AUTS2: variants seen among roughly 807,000 people sequenced by gnomAD.
The protein encoded by AUTS2 is autism susceptibility gene 2 protein.
Under a neutral mutation model 112.4 loss-of-function variants are expected in AUTS2, and 17 were observed. That is an observed-to-expected ratio of 0.15 (90% CI 0.10 to 0.23). The LOEUF (loss-of-function observed/expected upper bound fraction) is 0.23, where lower values mean the gene tolerates loss of function less well. AUTS2 is among the 10% of genes least tolerant of loss of function. The probability of loss-of-function intolerance (pLI) is 1.00; values close to 1 mark genes in which losing one functional copy is unlikely to be tolerated. For missense variants in AUTS2, 1,510 were observed against 1,701.6 expected (o/e 0.89, Z 1.98); for synonymous variants, 751 against 702.7 (o/e 1.07, Z -1.09).
At chr7:70,422,377 GT>G (rs1159937710) in intron 4 of AUTS2, among the ~76,000 whole-genome samples, 1 of 152,160 alleles carries the variant, frequency 6.6e-6, no homozygotes, top group Non-Finnish European at 1.5e-5. Flanking sequence ...AAGAAATACA[GT>G]TTTTTTATTT....
rs1554396465 is a variant in AUTS2 at position 69,876,349 on chromosome 7, A to AAAATATATAT, written c.310-22936_310-22935insAATATATATA. ...TCAAAAAAAAAAAAAAAAAAAAAAA[A>AAAATATATAT]ATATATATATATATATATATATATA... On this transcript the variant is annotated intron_variant, in intron 1 of 18. Coordinates refer to ENST00000342771, the MANE Select transcript of AUTS2 (RefSeq NM_015570.4). 1.4e-4 allele frequency among the ~76,000 whole-genome samples: 4 copies of AAAATATATAT among 29,494 alleles called. 1 individual carries two copies. The highest frequency in any genetic ancestry group is 6.5e-4 in the Admixed American group (1 of 1,546). The allele number at this position is 29,494 out of a possible 152,430, so 19.3% of individuals were successfully genotyped here.
rs573177268 is a variant in AUTS2 at position 70,368,986 on chromosome 7, GGCTCCAT to G, written c.661-66763_661-66757del. The stretch of plus-strand genomic sequence containing the variant: ...GTTCTGGTTAAATATTTATCATTAG[GGCTCCAT>G]GCAGAATGAAATGGTAATATAGCTG... On this transcript the variant is annotated intron_variant, in intron 4 of 18. Coordinates refer to ENST00000342771, the MANE Select transcript of AUTS2 (RefSeq NM_015570.4). 9.1e-4 allele frequency among the ~76,000 whole-genome samples: 138 copies of G among 152,236 alleles called. 1 individual carries two copies. The highest frequency in any genetic ancestry group is 3.2e-3 in the African/African-American group (132 of 41,538).
intron 1 of AUTS2, among the ~76,000 whole-genome samples, chr7:69,706,855 C>T (rs888145926): frequency 1.3e-5 from 2 of 152,176 alleles, no homozygotes; most frequent in African/African-American, 4.8e-5. Flanking sequence ...GATTACACTT[C>T]ACCTCATTTG....
At chr7:70,272,253 G>T (rs1362602691) in intron 4 of AUTS2, among the ~76,000 whole-genome samples, 1 of 151,382 alleles carries the variant, frequency 6.6e-6, no homozygotes, top group Non-Finnish European at 1.5e-5. Flanking sequence ...AAAAAAGATA[G>T]GACACATTTT....
At chr7:70,444,626 T>C (rs1230373605) in intron 5 of AUTS2, among the ~76,000 whole-genome samples, 1 of 152,202 alleles carries the variant, frequency 6.6e-6, no homozygotes, top group Non-Finnish European at 1.5e-5. Flanking sequence ...TTCTCTTTTA[T>C]ACAGGTTAGA....
chr7:70,278,617 ACATACATATGTACATG>A (rs1788056801), intron 4 of AUTS2, among the ~76,000 whole-genome samples: 2 of 149,420 alleles, frequency 1.3e-5, no homozygotes, highest in Non-Finnish European at 1.5e-5. Flanking sequence ...ATACATACAT[ACATACATATGTACATG>A]CATACATACA....
chr7:70,778,291 C>T (rs917195156), intron 14 of AUTS2, among the ~76,000 whole-genome samples: 23 of 152,084 alleles, frequency 1.5e-4, no homozygotes, highest in African/African-American at 5.6e-4. Context: ...AGCAAACAAG[C>T]AATCAAGTAA....
chr7:69,737,210 GT>G (rs201873204), intron 1 of AUTS2, among the ~76,000 whole-genome samples: 1 of 151,716 alleles, frequency 6.6e-6, no homozygotes, highest in Non-Finnish European at 1.5e-5. Flanking sequence ...TGTATAGATT[GT>G]TTTTTTTGTT....
chr7:70,486,930 G>A (rs143799769), intron 5 of AUTS2, among the ~76,000 whole-genome samples: 1 of 131,538 alleles, frequency 7.6e-6, no homozygotes, highest in African/African-American at 2.9e-5. Context: ...AGAAAAGGTT[G>A]CATATCATCA....
At chr7:70,680,448 G>T (rs1808150670) in intron 5 of AUTS2, among the ~76,000 whole-genome samples, 1 of 152,162 alleles carries the variant, frequency 6.6e-6, no homozygotes, top group African/African-American at 2.4e-5. Context: ...CCCTGTCATG[G>T]TCTACAATAG....
intron 4 of AUTS2, among the ~76,000 whole-genome samples, chr7:70,426,001 G>A (rs1281377485): frequency 6.6e-6 from 1 of 152,018 alleles, no homozygotes; most frequent in African/African-American, 2.4e-5. Flanking sequence ...GGTACATACT[G>A]TCAATAGCCC....
chr7:69,607,105 C>G (rs1259118628), intron 1 of AUTS2, among the ~76,000 whole-genome samples: 1 of 152,240 alleles, frequency 6.6e-6, no homozygotes, highest in Non-Finnish European at 1.5e-5. Context: ...TAGAATTTGA[C>G]TGCCCCTGCT....
Position 70,571,810 on chromosome 7 carries a change from C to A in AUTS2, c.691-126759C>A, listed in dbSNP as rs183701072. Among the ~76,000 whole-genome samples, 22 of 152,284 alleles carry A rather than the reference C, an allele frequency of 1.4e-4. No homozygotes were observed. In the East Asian group the frequency reaches 4.1e-3, roughly 28 times the overall value. On this transcript the variant is annotated intron_variant, in intron 5 of 18. Coordinates refer to ENST00000342771, the MANE Select transcript of AUTS2 (RefSeq NM_015570.4). ...CTGTTCCAGATGCACAGGGCAGTCACGTCTTTGCAGGGGTGAAGCAGGAGG... is the reference window on the plus strand; with the variant it reads ...CTGTTCCAGATGCACAGGGCAGTCAAGTCTTTGCAGGGGTGAAGCAGGAGG...
chr7:70,609,059 AC>A (rs1803933084), intron 5 of AUTS2, among the ~76,000 whole-genome samples: 1 of 152,192 alleles, frequency 6.6e-6, no homozygotes, highest in African/African-American at 2.4e-5. Context: ...CATACGTATG[AC>A]CTTACATACT....
chr7:70,430,322 C>T (rs951001250), intron 4 of AUTS2, among the ~76,000 whole-genome samples: 1 of 152,084 alleles, frequency 6.6e-6, no homozygotes, highest in African/African-American at 2.4e-5. Flanking sequence ...TCTGAGTGTT[C>T]GCTGCACTTC....
chr7:70,420,400 T>C (rs1669113672), intron 4 of AUTS2, among the ~76,000 whole-genome samples: 1 of 152,280 alleles, frequency 6.6e-6, no homozygotes, highest in East Asian at 1.9e-4. Flanking sequence ...GTTCTCCTCA[T>C]AGTGTTACAG....
chr7:69,776,436 G>A (rs551225900), intron 1 of AUTS2, among the ~76,000 whole-genome samples: 1 of 152,122 alleles, frequency 6.6e-6, no homozygotes, highest in Non-Finnish European at 1.5e-5. Flanking sequence ...GTTTTTTAGA[G>A]ATAGTGTCTC....
intron 4 of AUTS2, among the ~76,000 whole-genome samples, chr7:70,165,462 A>C (rs1808332797): frequency 6.6e-6 from 1 of 152,252 alleles, no homozygotes; most frequent in African/African-American, 2.4e-5. Context: ...AGTACATTTT[A>C]TGTCAGAAAT....
At chr7:70,472,547 T>C (rs1037110592) in intron 5 of AUTS2, among the ~76,000 whole-genome samples, 4 of 152,186 alleles carry the variant, frequency 2.6e-5, no homozygotes, top group African/African-American at 9.6e-5. Context: ...GTAAGTGTAC[T>C]AAAATATTTT....
Sources: gnomAD v4.1 joint callset for allele counts (sites outside exome capture counted in the v4.1 genomes callset) on GRCh38, gnomAD v4.1.1 for gene constraint, MANE v1.5 for transcripts, NCBI Gene and HGNC (gene_info 2026-07-23, HGNC 2026-07-21) for gene names.